EFR3B: variants seen among roughly 807,000 people sequenced by gnomAD.
The protein encoded by EFR3B is protein EFR3 homolog B.
In EFR3B, 64 loss-of-function variants were observed where a neutral mutation model predicts 104.7. The observed-to-expected ratio is 0.61, with a 90% CI of 0.50 to 0.75. The LOEUF is 0.75. Among genes scored for constraint, EFR3B ranks in the 30% least tolerant of loss-of-function variants. The pLI is 0.00. For synonymous variants in EFR3B, 385 were observed against 417.9 expected (o/e 0.92, Z 0.96); for missense variants, 750 against 1,078.5 (o/e 0.70, Z 4.27).
At chr2:25,129,462 G>A (rs1305866311) in intron 6 of EFR3B, among the ~76,000 whole-genome samples, 1 of 150,934 alleles carries the variant, frequency 6.6e-6, no homozygotes, top group East Asian at 2.0e-4. Flanking sequence ...GGAGTCCTCC[G>A]GCTCCTGTTC....
intron 21 of EFR3B, among the ~76,000 whole-genome samples, chr2:25,153,501 C>T (rs1336288106): frequency 6.6e-6 from 1 of 152,156 alleles, no homozygotes; most frequent in African/African-American, 2.4e-5. Context: ...TCTGTCCTGT[C>T]CCCAGCCAGC....
At chr2:25,095,333 G>A (rs1030282047) in intron 3 of EFR3B, among the ~76,000 whole-genome samples, 1 of 152,134 alleles carries the variant, frequency 6.6e-6, no homozygotes, top group African/African-American at 2.4e-5. Flanking sequence ...TAATTATGTA[G>A]ACAGTATTTG....
chr2:25,067,580 G>A (rs1215002342), intron 1 of EFR3B, among the ~76,000 whole-genome samples: 2 of 151,872 alleles, frequency 1.3e-5, no homozygotes, highest in African/African-American at 4.8e-5. Context: ...GACTACAGGC[G>A]CCTGCCACCC....
At chr2:25,123,374 CAATT>C (rs967443158) in intron 5 of EFR3B, among the ~76,000 whole-genome samples, 27 of 146,408 alleles carry the variant, frequency 1.8e-4, no homozygotes, top group African/African-American at 6.7e-4. Context: ...AAAAAAAAAA[CAATT>C]AATCACAAAG....
Position 25,102,389 on chromosome 2 carries a change from A to G in EFR3B, c.213-1248A>G, listed in dbSNP as rs1326528808. On this transcript the variant is annotated intron_variant, in intron 3 of 22. Coordinates refer to ENST00000403714, the MANE Select transcript of EFR3B (RefSeq NM_014971.2). ...TATGAAGAAATACCCAAGACTGGGT[A>G]ATTTATAAAGAAAAGAGGTTTAATT... 2.0e-5 allele frequency among the ~76,000 whole-genome samples: 3 copies of G among 152,188 alleles called. No individual in the cohort carries two copies. The South Asian group carries it at 6.2e-4, about 32-fold the overall frequency.
chr2:25,046,960 A>G (rs907443324), intron 1 of EFR3B, among the ~76,000 whole-genome samples: 4 of 152,136 alleles, frequency 2.6e-5, no homozygotes, highest in African/African-American at 9.7e-5. Context: ...TGGCCTATGC[A>G]TGTGGGAGCT....
chr2:25,151,805 A>G (rs776832127), intron 20 of EFR3B, 109 bp from the exon 21 acceptor site: 45 of 1,264,294 alleles, frequency 3.6e-5, no homozygotes, highest in Non-Finnish European at 4.5e-5. Context: ...CCTACTCTTC[A>G]GAAGAGGGGA....
intron 15 of EFR3B, among the ~76,000 whole-genome samples, chr2:25,138,385 G>A (rs1670577262): frequency 6.6e-6 from 1 of 152,116 alleles, no homozygotes; most frequent in Non-Finnish European, 1.5e-5. Context: ...TGGTCTTCCT[G>A]GGTGCGTGTG....
At chr2:25,153,677 C>A (rs1242262669) in intron 21 of EFR3B, 35 bp from the exon 22 acceptor site, 4 of 1,551,054 alleles carry the variant, frequency 2.6e-6, no homozygotes, top group Admixed American at 2.0e-5. Context: ...GGACCCCCCA[C>A]CCCTGCCAGC....
chr2:25,066,192 G>A (rs546932649), intron 1 of EFR3B, among the ~76,000 whole-genome samples: 1 of 152,272 alleles, frequency 6.6e-6, no homozygotes, highest in Admixed American at 6.5e-5. Flanking sequence ...TTATAGTTCA[G>A]GGCCTTGTCT....
intron 1 of EFR3B, among the ~76,000 whole-genome samples, chr2:25,084,614 G>A (rs770716084): frequency 9.9e-5 from 15 of 152,134 alleles, no homozygotes; most frequent in Non-Finnish European, 2.1e-4. Flanking sequence ...AGGTCCTGAC[G>A]ACATGTGCCC....
At chr2:25,125,071 A>G (rs1424754875) in intron 5 of EFR3B, among the ~76,000 whole-genome samples, 1 of 152,182 alleles carries the variant, frequency 6.6e-6, no homozygotes, top group Non-Finnish European at 1.5e-5. Flanking sequence ...AAATAAATAA[A>G]TAAATGAATA....
rs140515425 is a variant in EFR3B, at chr2:25,114,782, C to G, written c.364-6891C>G. Among the ~76,000 whole-genome samples the G allele has an allele frequency of 8.2e-3, 1,245 of 152,352 alleles. 9 individuals are homozygous for G. The highest frequency in any genetic ancestry group is 0.011 in the Non-Finnish European group (751 of 68,028). On this transcript the variant is annotated intron_variant, in intron 4 of 22. Transcript: ENST00000403714. This position sits in a 1 kb window ranked among gnomAD's most constrained non-coding sequence, Gnocchi z 4.0. ...AAGGTTCTGCGAGAGCTTTCTTCCC[C>G]TGACCCTGCCTCAGAACATTTCTAT...
intron 20 of EFR3B, among the ~76,000 whole-genome samples, chr2:25,151,421 A>C (rs917408012): frequency 4.6e-5 from 7 of 151,954 alleles, no homozygotes; most frequent in Non-Finnish European, 1.0e-4. Flanking sequence ...ACGCCTGGCT[A>C]ATTTTTGTAT....
At chr2:25,047,254 T>C (rs1378000903) in intron 1 of EFR3B, among the ~76,000 whole-genome samples, 1 of 152,182 alleles carries the variant, frequency 6.6e-6, no homozygotes, top group African/African-American at 2.4e-5. Flanking sequence ...TTCAGCCCTC[T>C]CCTTGCTATT....
At chr2:25,048,110 A>G (rs1056246262) in intron 1 of EFR3B, among the ~76,000 whole-genome samples, 1 of 151,944 alleles carries the variant, frequency 6.6e-6, no homozygotes, top group Admixed American at 6.5e-5. Flanking sequence ...CAACCTCCTG[A>G]GCTTAAGTGA....
At chr2:25,078,715 G>A (rs1223936063) in intron 1 of EFR3B, among the ~76,000 whole-genome samples, 2 of 152,220 alleles carry the variant, frequency 1.3e-5, no homozygotes, top group East Asian at 3.9e-4. Flanking sequence ...AGCAGTGGGA[G>A]AAGATTATAT....
In EFR3B at chr2:25,124,738, C is replaced by CA. The variant is rs34181444; in HGVS notation, c.485+2969dup. ...TGGGCAACACAGCGAGACTCTGTCT[C>CA]AAAAAAAAAAAAAAAAAAAAAAAAA... is the stretch of plus-strand genomic sequence containing the variant. On this transcript the variant is annotated intron_variant, in intron 5 of 22. Coordinates refer to ENST00000403714, the MANE Select transcript of EFR3B (RefSeq NM_014971.2). Among the ~76,000 whole-genome samples the CA allele has an allele frequency of 6.0e-3, 248 of 41,658 alleles. 3 individuals carry two copies. The highest frequency in any genetic ancestry group is 6.1e-3 in the Admixed American group (16 of 2,606). 27.3% of individuals were successfully genotyped at this position (41,658 alleles called of 152,430 possible).
chr2:25,077,326 C>T lies in EFR3B; in HGVS notation c.8-13999C>T, dbSNP rs115349734. 7.0e-3 allele frequency among the ~76,000 whole-genome samples: 1,068 copies of T among 152,022 alleles called. 8 individuals are homozygous for T. The highest frequency in any genetic ancestry group is 0.025 in the African/African-American group (1,017 of 41,474). ...TTTTGAGATGGAGTCTTGCTGTTGT[C>T]GCCTATGCTGGAGTGCGATGGCACG... On this transcript the variant is annotated intron_variant, in intron 1 of 22. Coordinates refer to ENST00000403714, the MANE Select transcript of EFR3B (RefSeq NM_014971.2).
Sources: allele counts gnomAD v4.1 joint callset (sites outside exome capture counted in the v4.1 genomes callset), GRCh38; gene constraint gnomAD v4.1.1; non-coding constraint Gnocchi (gnomAD v3.1); transcripts MANE v1.5; gene names NCBI Gene and HGNC (gene_info 2026-07-23, HGNC 2026-07-21).